The following BLTP3A variants were observed in gnomAD, a reference collection of about 807,000 sequenced individuals.
BLTP3A encodes ICBP90 binding protein 1.
At chr6:34,856,239 G>A in the BLTP3A span, 1 of 1,612,656 alleles carries the variant, frequency 6.2e-7, no homozygotes, top group Non-Finnish European at 8.5e-7. Flanking sequence ...CGTTGCACAG[G>A]TGATAGCTGC....
At chr6:34,837,401 G>A in the BLTP3A span, among the ~76,000 whole-genome samples, 1 of 151,964 alleles carries the variant, frequency 6.6e-6, no homozygotes, top group Non-Finnish European at 1.5e-5. Context: ...ATTAGCCAGA[G>A]ATCAGCTGCA....
chr6:34,808,346 CAAA>C, the BLTP3A span, among the ~76,000 whole-genome samples: 10 of 26,718 alleles, frequency 3.7e-4, no homozygotes, highest in African/African-American at 1.2e-3. Flanking sequence ...AACTCCGTCT[CAAA>C]AAAAAAAAAA....
At chr6:34,870,137 T>G in the BLTP3A span, among the ~76,000 whole-genome samples, 2 of 152,138 alleles carry the variant, frequency 1.3e-5, no homozygotes, top group Non-Finnish European at 2.9e-5. Context: ...TGGACAGCCA[T>G]TTGGGTTATT....
At chr6:34,821,343 A>G in the BLTP3A span, 1 of 214,806 alleles carries the variant, frequency 4.7e-6, no homozygotes, top group Non-Finnish European at 9.4e-6. Flanking sequence ...TCCTCATCGT[A>G]GGTTCTTTAG....
chr6:34,798,581 A>ATTTTTTTT, the BLTP3A span, among the ~76,000 whole-genome samples: 2 of 89,136 alleles, frequency 2.2e-5, no homozygotes, highest in African/African-American at 1.1e-4. Flanking sequence ...TGTATTTTTA[A>ATTTTTTTT]TTTTCTTTCT....
chr6:34,871,025 T>C, the BLTP3A span: 1 of 1,614,148 alleles, frequency 6.2e-7, no homozygotes, highest in Admixed American at 1.7e-5. Context: ...ACTTCAGTGC[T>C]CAGTGGCCTG....
At chr6:34,821,966 T>C in the BLTP3A span, 2 of 1,614,230 alleles carry the variant, frequency 1.2e-6, no homozygotes, top group Non-Finnish European at 8.5e-7. Flanking sequence ...GTAATGACCT[T>C]TCTTGATTGC....
the BLTP3A span, among the ~76,000 whole-genome samples, chr6:34,863,501 A>G: frequency 6.6e-6 from 1 of 152,102 alleles, no homozygotes; most frequent in Non-Finnish European, 1.5e-5. Context: ...GTTATTTCTT[A>G]CCACAAAGCC....
chr6:34,829,450 C>T, the BLTP3A span, among the ~76,000 whole-genome samples: 1 of 152,200 alleles, frequency 6.6e-6, no homozygotes, highest in African/African-American at 2.4e-5. Context: ...TGTACTACAA[C>T]ATGGCTGTTT....
chr6:34,857,946 T>C, the BLTP3A span: 2 of 1,596,502 alleles, frequency 1.3e-6, no homozygotes, highest in Non-Finnish European at 1.7e-6. Context: ...TTTTATCCCC[T>C]GTTAGTAGCC....
chr6:34,832,092 C>T, the BLTP3A span, among the ~76,000 whole-genome samples: 1 of 151,648 alleles, frequency 6.6e-6, no homozygotes, highest in South Asian at 2.1e-4. Flanking sequence ...GGATTACAGG[C>T]ATGAGCCACT....
chr6:34,869,640 C>G, the BLTP3A span, among the ~76,000 whole-genome samples: 1 of 81,532 alleles, frequency 1.2e-5, no homozygotes, highest in Non-Finnish European at 2.3e-5. Flanking sequence ...ACATACACCA[C>G]TTTTTTTTTT....
the BLTP3A span, among the ~76,000 whole-genome samples, chr6:34,799,372 C>T: frequency 1.3e-5 from 2 of 152,050 alleles, no homozygotes; most frequent in Admixed American, 1.3e-4. Flanking sequence ...CACCTGTAGT[C>T]CCAGCTACTT....
the BLTP3A span, among the ~76,000 whole-genome samples, chr6:34,865,876 TAATG>T: frequency 6.6e-6 from 1 of 152,226 alleles, no homozygotes; most frequent in African/African-American, 2.4e-5. Flanking sequence ...CAGAATCAAA[TAATG>T]AACCCTCATA....
the BLTP3A span, chr6:34,859,557 C>G: frequency 1.2e-6 from 2 of 1,613,684 alleles, no homozygotes; most frequent in African/African-American, 2.7e-5. Context: ...AGATGTTGTC[C>G]CTGCCCCCAG....
the BLTP3A span, among the ~76,000 whole-genome samples, chr6:34,845,445 G>T: frequency 6.6e-6 from 1 of 152,084 alleles, no homozygotes; most frequent in African/African-American, 2.4e-5. Context: ...TTGAGACAGG[G>T]TCTTGCTCTG....
the BLTP3A span, among the ~76,000 whole-genome samples, chr6:34,827,301 C>A: frequency 2.0e-5 from 3 of 149,450 alleles, no homozygotes; most frequent in African/African-American, 7.5e-5. Flanking sequence ...CAGAGTGAGA[C>A]TCTGTTTCAA....
At chr6:34,848,326 C>T in the BLTP3A span, among the ~76,000 whole-genome samples, 5 of 151,502 alleles carry the variant, frequency 3.3e-5, no homozygotes, top group Non-Finnish European at 5.9e-5. Context: ...TCAATCAGGG[C>T]CGGGTGCGGT....
the BLTP3A span, chr6:34,858,215 C>T: frequency 6.2e-7 from 1 of 1,614,210 alleles, no homozygotes; most frequent in South Asian, 1.1e-5. Flanking sequence ...GCCACCAATA[C>T]ACGTCATGCT....
Sources: gnomAD v4.1 joint callset for allele counts (sites outside exome capture counted in the v4.1 genomes callset) on GRCh38, gnomAD v4.1.1 for gene constraint, MANE v1.5 for transcripts, NCBI Gene and HGNC (gene_info 2026-07-23, HGNC 2026-07-21) for gene names.